The following ATRNL1 variants were observed in gnomAD, a reference collection of about 807,000 sequenced individuals.
ATRNL1 encodes the protein attractin-like protein 1.
ATRNL1 carries 95 observed loss-of-function variants against 182.7 expected under a neutral mutation model. That is an observed-to-expected ratio of 0.52 (90% CI 0.44 to 0.62). ATRNL1 has a LOEUF of 0.62. Among genes scored for constraint, ATRNL1 ranks in the 20% least tolerant of loss-of-function variants. The probability of loss-of-function intolerance (pLI) is 0.00; values close to 1 mark genes in which losing one functional copy is unlikely to be tolerated. For missense variants in ATRNL1, 1,471 were observed against 1,679.5 expected, an observed-to-expected ratio of 0.88 and a Z score of 2.17; for synonymous variants, 576 against 568.3, an observed-to-expected ratio of 1.01 and a Z score of -0.19.
At chr10:115,553,139 C>A (rs1232369316) in intron 26 of ATRNL1, among the ~76,000 whole-genome samples, 4 of 151,194 alleles carry the variant, frequency 2.6e-5, no homozygotes, top group Non-Finnish European at 5.9e-5. Flanking sequence ...TTGTTCCCTG[C>A]AATGAAGATA....
At chr10:115,268,169 T>C (rs1304098635) in intron 12 of ATRNL1, among the ~76,000 whole-genome samples, 157 bp from the exon 13 acceptor site, 1 of 152,182 alleles carries the variant, frequency 6.6e-6, no homozygotes, top group Non-Finnish European at 1.5e-5. Flanking sequence ...ACAAAAGTTG[T>C]CTTAATCTTT....
chr10:115,573,746 C>A (rs1011130456), intron 26 of ATRNL1, among the ~76,000 whole-genome samples: 15 of 152,044 alleles, frequency 9.9e-5, no homozygotes, highest in African/African-American at 3.4e-4. Context: ...ATAGCCTTCA[C>A]CAAATAGGTG....
intron 22 of ATRNL1, among the ~76,000 whole-genome samples, chr10:115,465,751 C>T (rs1359466737): frequency 6.6e-6 from 1 of 151,516 alleles, no homozygotes; most frequent in African/African-American, 2.4e-5. Flanking sequence ...TTCAAATTCT[C>T]AGATGCTTTC....
intron 26 of ATRNL1, among the ~76,000 whole-genome samples, chr10:115,669,611 GA>G (rs1394670094): frequency 2.0e-5 from 3 of 152,108 alleles, no homozygotes; most frequent in African/African-American, 7.2e-5. Context: ...TGCAAGTGCA[GA>G]AGCTTTCCAA....
intron 26 of ATRNL1, among the ~76,000 whole-genome samples, chr10:115,562,646 T>C (rs1160786514): frequency 6.6e-6 from 1 of 152,150 alleles, no homozygotes; most frequent in African/African-American, 2.4e-5. Flanking sequence ...GAGTTAGTTC[T>C]CTTGAGATCA....
intron 26 of ATRNL1, among the ~76,000 whole-genome samples, chr10:115,596,485 G>C (rs1226125984): frequency 6.6e-6 from 1 of 152,120 alleles, no homozygotes; most frequent in Non-Finnish European, 1.5e-5. Context: ...TTCAACTTAT[G>C]GTAAACACAA....
At chr10:115,762,204 TAA>T (rs1948749692) in intron 27 of ATRNL1, among the ~76,000 whole-genome samples, 1 of 152,104 alleles carries the variant, frequency 6.6e-6, no homozygotes, top group South Asian at 2.1e-4. Flanking sequence ...TTCAAAACAC[TAA>T]GTTTCCTTCT....
At chr10:115,122,825 GC>G (rs1393451835) in intron 3 of ATRNL1, among the ~76,000 whole-genome samples, 1 of 152,108 alleles carries the variant, frequency 6.6e-6, no homozygotes, top group East Asian at 1.9e-4. Flanking sequence ...GCCATAAGCA[GC>G]CCTTCATCTA....
At chr10:115,256,533 CTTT>C (rs1851144813) in intron 10 of ATRNL1, among the ~76,000 whole-genome samples, 1 of 152,014 alleles carries the variant, frequency 6.6e-6, no homozygotes, top group Non-Finnish European at 1.5e-5. Context: ...CTCTTTTCTT[CTTT>C]ATTAGTCTTG....
intron 24 of ATRNL1, among the ~76,000 whole-genome samples, chr10:115,472,501 T>G (rs918585571): frequency 1.5e-4 from 23 of 151,048 alleles, no homozygotes; most frequent in African/African-American, 5.3e-4. Context: ...CATTTATTAT[T>G]GATGTTTTGA....
chr10:115,868,834 T>G (rs1951503011), intron 28 of ATRNL1, among the ~76,000 whole-genome samples: 1 of 104,572 alleles, frequency 9.6e-6, no homozygotes, highest in African/African-American at 3.4e-5. Context: ...TTTTTTTTTT[T>G]TTTTTTTTTT....
chr10:115,379,647 A>G (rs979898030), intron 19 of ATRNL1, among the ~76,000 whole-genome samples: 8 of 152,218 alleles, frequency 5.3e-5, no homozygotes, highest in African/African-American at 9.7e-5. Flanking sequence ...TTGAAGTTAC[A>G]TATTACTAAT....
At chr10:115,881,576 A>T (rs1555108578) in intron 28 of ATRNL1, among the ~76,000 whole-genome samples, 1 of 152,170 alleles carries the variant, frequency 6.6e-6, no homozygotes, top group African/African-American at 2.4e-5. Context: ...ACTAGTGTTG[A>T]TCCCACCTCT....
chr10:115,115,331 A>G lies in ATRNL1; in HGVS notation c.294-4854A>G, dbSNP rs575328592. Among the ~76,000 whole-genome samples, 9 of 152,228 alleles carry G rather than the reference A, an allele frequency of 5.9e-5. No homozygotes were observed. In the East Asian group the frequency reaches 1.3e-3, roughly 23 times the overall value. On this transcript the variant is annotated intron_variant, in intron 1 of 28. Coordinates refer to ENST00000355044, the MANE Select transcript of ATRNL1 (RefSeq NM_207303.4). ...TTATTTCGTTGGCGTTCTATTGTAC[A>G]ATGAAGTGACTAATGTTACTAATTG...
chr10:115,174,131 T>C lies in ATRNL1; in HGVS notation c.1348+2839T>C, dbSNP rs1166945064. Among the ~76,000 whole-genome samples, 3 of 151,938 alleles carry C rather than the reference T, an allele frequency of 2.0e-5. No homozygotes were observed. In the East Asian group the frequency reaches 5.8e-4, roughly 29 times the overall value. ...ATTGCCCTTTCAGCATTTTTGTGGC[T>C]GCTTCTGTTTAGCTGTTTTGGTTTC... On this transcript the variant is annotated intron_variant, in intron 8 of 28. Transcript: ENST00000355044.
At chr10:115,155,223 T>A (rs191193325) in intron 5 of ATRNL1, among the ~76,000 whole-genome samples, 227 of 152,118 alleles carry the variant, frequency 1.5e-3, no homozygotes, top group Non-Finnish European at 2.2e-3. Context: ...AGTTGGATCA[T>A]GTTTTTCTTT....
At chr10:115,262,852 C>G (rs1313463036) in intron 10 of ATRNL1, among the ~76,000 whole-genome samples, 5 of 151,904 alleles carry the variant, frequency 3.3e-5, no homozygotes, top group African/African-American at 4.8e-5. Flanking sequence ...AATTTTAAGT[C>G]TGATAGAACT....
At chr10:115,490,725 T>C (rs1849256767) in intron 24 of ATRNL1, among the ~76,000 whole-genome samples, 1 of 152,186 alleles carries the variant, frequency 6.6e-6, no homozygotes, top group Non-Finnish European at 1.5e-5. Flanking sequence ...AAAGCCTACT[T>C]CTGTCAGTTT....
rs1010672110 is a variant in ATRNL1, at chr10:115,857,329, A to G, written c.4018+9338A>G. ...ACAGGGGGTTGGCACTCCAACCCCC[A>G]TTTTATTCAAAGGTCAACTGTGTTA... On this transcript the variant is annotated intron_variant, in intron 28 of 28. Transcript: ENST00000355044. Among the ~76,000 whole-genome samples, 4 of 152,150 alleles carry G rather than the reference A, an allele frequency of 2.6e-5. No homozygotes were observed. The East Asian group carries it at 7.7e-4, about 29-fold the overall frequency.
Sources: gnomAD v4.1 joint callset for allele counts (sites outside exome capture counted in the v4.1 genomes callset) on GRCh38, gnomAD v4.1.1 for gene constraint, MANE v1.5 for transcripts, NCBI Gene and HGNC (gene_info 2026-07-23, HGNC 2026-07-21) for gene names.